The following SPIN3 variants were observed in gnomAD, a reference collection of about 807,000 sequenced individuals.
SPIN3 encodes the protein spindlin family member 3, also known as spindlin-3.
For missense variants in SPIN3, 176 were observed against 196.4 expected (o/e 0.90, Z 0.62); for synonymous variants, 74 against 74.3 (o/e 1.00, Z 0.02).
At chrX:56,975,317 G>C (rs761469293), downstream of SPIN3, 1 of 111,201 alleles carries the variant, frequency 9.0e-6, no homozygotes, top group African/African-American at 3.3e-5. Flanking sequence ...CAACTGGAAG[G>C]GGGGGTGCTT....
chrX:56,993,886 A>T lies in SPIN3; in HGVS notation c.*285T>A. 4.2e-6 allele frequency: 1 copy of T among 237,031 alleles called. No homozygotes were observed. The highest frequency in any genetic ancestry group is 7.5e-6 in the Non-Finnish European group (1 of 134,068). 19.5% of individuals were successfully genotyped at this position (237,031 alleles called of 1,213,427 possible). On this transcript the variant is annotated 3_prime_UTR_variant, in exon 2 of 2. Transcript: ENST00000374919. ...AGGTGAGAGGTGTTCAGCTACCTTTAATCTATTAACACCACCCAAGATAAA... is the reference window on the plus strand; with the variant it reads ...AGGTGAGAGGTGTTCAGCTACCTTTTATCTATTAACACCACCCAAGATAAA...
rs1246423424 is a variant in SPIN3 at position 56,991,460 on chromosome X, C to T, written c.*2711G>A. The T allele has an allele frequency of 8.9e-6, 1 of 112,199 alleles. No homozygotes were observed. The highest frequency in any genetic ancestry group is 3.2e-5 in the African/African-American group (1 of 30,922). The allele number at this position is 112,199 out of a possible 1,213,427, so 9.2% of individuals were successfully genotyped here. ...TCAATCTCATCAAGTTATTCCTCCTCCCAAGCATAAGATTGAATGAGTGTA... is the reference window on the plus strand; with the variant it reads ...TCAATCTCATCAAGTTATTCCTCCTTCCAAGCATAAGATTGAATGAGTGTA... On this transcript the variant is annotated 3_prime_UTR_variant, in exon 2 of 2. Transcript: ENST00000374919.
Position 56,992,375 on chromosome X carries a change from C to T in SPIN3, c.*1796G>A, listed in dbSNP as rs1386225167. 1 of 295,288 alleles carries T rather than the reference C, an allele frequency of 3.4e-6. No individual in the cohort carries two copies. Among genetic ancestry groups the T allele is most frequent in the East Asian group, 4.8e-5 (1 of 20,993 alleles). The allele number at this position is 295,288 out of a possible 1,213,427, so 24.3% of individuals were successfully genotyped here. A position where few individuals can be genotyped will look rare whatever the true frequency, so the allele number is the denominator to read the frequency against. The stretch of plus-strand genomic sequence containing the variant: ...CAGCCACTAGAACAGTTTTTTTAAG[C>T]AAATATATGACCCCAGGACTTAGAA... On this transcript the variant is annotated 3_prime_UTR_variant, in exon 2 of 2. Coordinates refer to ENST00000374919, the MANE Select transcript of SPIN3 (RefSeq NM_001010862.3).
intron 5 of SPIN3, chrX:56,977,652 T>C (rs1924034098): frequency 8.9e-6 from 1 of 112,550 alleles, no homozygotes; most frequent in African/African-American, 3.2e-5. Flanking sequence ...AAAACTTATG[T>C]TGAAACTTAA....
Position 56,990,849 on chromosome X carries a change from C to T in SPIN3, c.*3322G>A. 9.2e-6 allele frequency: 1 copy of T among 109,200 alleles called. No homozygotes were observed. The highest frequency in any genetic ancestry group is 9.9e-5 in the Admixed American group (1 of 10,084). 9.0% of individuals were successfully genotyped at this position (109,200 alleles called of 1,213,427 possible). On this transcript the variant is annotated 3_prime_UTR_variant, in exon 2 of 2. Transcript: ENST00000374919. ...AATCAAATAGGGATTAAGATATCAG[C>T]TTTAATATATTGTTCAGTGAAAAAA...
downstream of SPIN3, among the ~76,000 whole-genome samples, chrX:56,990,100 T>C (rs1320105088): frequency 9.0e-6 from 1 of 110,976 alleles, no homozygotes; most frequent in Non-Finnish European, 1.9e-5. Flanking sequence ...ATTTCATCCC[T>C]GAGATTTTAG....
At position 56,994,388 on chromosome X, in the gene SPIN3, C is replaced by T. The variant is rs766002432; in HGVS notation, c.560G>A (p.Arg187His). 45 of 1,209,241 alleles carry T rather than the reference C, an allele frequency of 3.7e-5. No individual in the cohort carries two copies. The highest frequency in any genetic ancestry group is 2.2e-5 in the Admixed American group (1 of 45,761). Residue 187 changes from arginine to histidine, a missense_variant, in exon 2 of 2, where the codon CGC (arginine) becomes CAC (histidine). Physicochemically the swap from Arg to His is conservative, Grantham distance 29. Transcript: ENST00000374919. ...AGAATCATTGGAATCTTGAAGGATGCGGAGGTCACCATCTTTATAATCATC... is the reference window on the plus strand; with the variant it reads ...AGAATCATTGGAATCTTGAAGGATGTGGAGGTCACCATCTTTATAATCATC... ...LLDDYKDGDLRILQDSNDSPL... is the reference protein window; with the variant it reads ...LLDDYKDGDLHILQDSNDSPL...
At chrX:56,976,423 C>G (rs1313332877), downstream of SPIN3, 5 of 111,799 alleles carry the variant, frequency 4.5e-5, no homozygotes, top group East Asian at 1.4e-3. Context: ...CATTACATCT[C>G]TTATACAAGT....
chrX:56,984,498 A>AG (rs370780649), intron 2 of SPIN3: 10 of 325,674 alleles, frequency 3.1e-5, no homozygotes, highest in Non-Finnish European at 5.3e-5. Flanking sequence ...AAAAAAAAAA[A>AG]GTACAGTGGA....
chrX:56,981,344 G>C (rs1259185277), intron 3 of SPIN3, among the ~76,000 whole-genome samples: 2 of 99,527 alleles, frequency 2.0e-5, no homozygotes, highest in Admixed American at 1.1e-4. Context: ...CTGGGAGACA[G>C]AGTGAGACTC....
At chrX:56,978,754 C>T (rs1413708307) in intron 3 of SPIN3, 1 of 111,081 alleles carries the variant, frequency 9.0e-6, no homozygotes, top group African/African-American at 3.3e-5. Context: ...GAGGCTTGCT[C>T]ATGAGCACAT....
At chrX:56,987,732 T>C (rs1360056903), downstream of SPIN3, among the ~76,000 whole-genome samples, 2 of 111,970 alleles carry the variant, frequency 1.8e-5, no homozygotes, top group Non-Finnish European at 3.8e-5. Flanking sequence ...ACGAGCTCTC[T>C]GGGAAAACAA....
Position 56,994,098 on chromosome X carries a change from C to G in SPIN3, c.*73G>C, listed in dbSNP as rs1924421343. On this transcript the variant is annotated 3_prime_UTR_variant, in exon 2 of 2. Coordinates refer to ENST00000374919, the MANE Select transcript of SPIN3 (RefSeq NM_001010862.3). ...AAAGGGAGAAGATGGTTCTTACAAA[C>G]TGGAAAGCAATCAAGACTTTCTGTG... The G allele has an allele frequency of 3.9e-5, 40 of 1,038,104 alleles. No homozygotes were observed. Among genetic ancestry groups the G allele is most frequent in the Non-Finnish European group, 5.1e-5 (40 of 782,210 alleles). 85.6% of individuals were successfully genotyped at this position (1,038,104 alleles called of 1,213,427 possible). A position where few individuals can be genotyped will look rare whatever the true frequency, so the allele number is the denominator to read the frequency against.
In SPIN3 at chrX:56,993,834, T is replaced by C. The variant is rs1924411960; in HGVS notation, c.*337A>G. ...TCAGCAAGCTTCACACCTCAATGAGTGTAGAGTCCAAGTGCCAAAAAGAGT... is the reference window on the plus strand; with the variant it reads ...TCAGCAAGCTTCACACCTCAATGAGCGTAGAGTCCAAGTGCCAAAAAGAGT... On this transcript the variant is annotated 3_prime_UTR_variant, in exon 2 of 2. Transcript: ENST00000374919. 6.7e-6 allele frequency: 1 copy of C among 149,050 alleles called. No homozygotes were observed. The highest frequency in any genetic ancestry group is 2.6e-4 in the South Asian group (1 of 3,851). The allele number at this position is 149,050 out of a possible 1,213,427, so 12.3% of individuals were successfully genotyped here.
chrX:56,975,245 A>G (rs1246765870), downstream of SPIN3: 1 of 112,332 alleles, frequency 8.9e-6, no homozygotes, highest in Non-Finnish European at 1.9e-5. Context: ...ACATTTTAGA[A>G]GACATGAGAC....
downstream of SPIN3, chrX:56,975,314 A>G (rs1351881501): frequency 9.0e-6 from 1 of 111,111 alleles, no homozygotes; most frequent in Non-Finnish European, 1.9e-5. Context: ...GGACAACTGG[A>G]AGGGGGGGTG....
chrX:56,979,952 T>C (rs1001317362), intron 3 of SPIN3: 1 of 112,075 alleles, frequency 8.9e-6, no homozygotes, highest in Non-Finnish European at 1.9e-5. Flanking sequence ...GTTGTCCATA[T>C]GCTGACTTAA....
chrX:56,984,781 G>T (rs1010466011), intron 2 of SPIN3, among the ~76,000 whole-genome samples: 1 of 111,456 alleles, frequency 9.0e-6, no homozygotes, highest in Non-Finnish European at 1.9e-5. Context: ...TTTACATGGA[G>T]AAATTTCCAA....
rs1409954545 is a variant in SPIN3 at position 56,995,457 on chromosome X, C to T, written c.-244G>A. Reference sequence around the variant, plus strand: ...TTGCTCTTGGCTCCTGCGTCCTCCGCCTTCCTGGTGGCGGCGGCGGTGGCG... The same window carrying T: ...TTGCTCTTGGCTCCTGCGTCCTCCGTCTTCCTGGTGGCGGCGGCGGTGGCG... On this transcript the variant is annotated 5_prime_UTR_variant, in exon 1 of 2. Transcript: ENST00000374919. 8.7e-6 allele frequency: 1 copy of T among 114,874 alleles called. No individual in the cohort carries two copies. The highest frequency in any genetic ancestry group is 1.8e-5 in the Non-Finnish European group (1 of 55,175). The allele number at this position is 114,874 out of a possible 1,213,427, so 9.5% of individuals were successfully genotyped here.
Sources: allele counts gnomAD v4.1 joint callset (sites outside exome capture counted in the v4.1 genomes callset), GRCh38; gene constraint gnomAD v4.1.1; transcripts MANE v1.5; gene names NCBI Gene and HGNC (gene_info 2026-07-23, HGNC 2026-07-21).